The following GSE1 variants were observed in gnomAD, a reference collection of about 807,000 sequenced individuals.
The protein encoded by GSE1 is genetic suppressor element 1.
GSE1 carries 32 observed loss-of-function variants against 112.6 expected under a neutral mutation model. That is an observed-to-expected ratio of 0.28 (90% CI 0.21 to 0.38). The LOEUF (loss-of-function observed/expected upper bound fraction) is 0.38. Among genes scored for constraint, GSE1 ranks in the 10% least tolerant of loss-of-function variants. The pLI is 1.00. For synonymous variants in GSE1, 1,115 were observed against 735.6 expected, an observed-to-expected ratio of 1.52 and a Z score of -8.35; for missense variants, 2,348 against 1,699.2, an observed-to-expected ratio of 1.38 and a Z score of -6.71.
intron 2 of GSE1, among the ~76,000 whole-genome samples, chr16:85,464,933 G>A (rs2050082058): frequency 6.6e-6 from 1 of 152,214 alleles, no homozygotes. Context: ...CAGTCCTCAT[G>A]GCAGCATCAG....
intron 1 of GSE1, among the ~76,000 whole-genome samples, chr16:85,180,210 A>G (rs969737203): frequency 6.6e-6 from 1 of 152,200 alleles, no homozygotes; most frequent in African/African-American, 2.4e-5. Context: ...AGAGGTGCAG[A>G]ACCTCATTGG....
intron 1 of GSE1, among the ~76,000 whole-genome samples, chr16:85,348,978 G>T (rs923187470): frequency 1.3e-5 from 2 of 151,714 alleles, no homozygotes; most frequent in Admixed American, 6.6e-5. Context: ...CCCAACCCCA[G>T]CCGGGAGCGC....
chr16:85,613,326 T>C lies in GSE1; in HGVS notation c.-66T>C, dbSNP rs1296931412. 1.2e-5 allele frequency: 18 copies of C among 1,553,054 alleles called. No homozygotes were observed. The South Asian group carries it at 1.2e-4, about 10-fold the overall frequency. On this transcript the variant is annotated 5_prime_UTR_variant, in exon 1 of 16. Transcript: ENST00000253458. ...GCAGCCCCGGGTGAGATAAGCAGTT[T>C]AGACAAACACTGGGCGACGGTGGCT...
intron 1 of GSE1, among the ~76,000 whole-genome samples, chr16:85,298,268 C>G (rs1021035452): frequency 2.6e-5 from 4 of 152,122 alleles, no homozygotes; most frequent in Admixed American, 1.3e-4. Context: ...TCAGCTGCCT[C>G]CCTGCCCAGA....
chr16:85,199,323 C>G (rs1008573644), intron 1 of GSE1, among the ~76,000 whole-genome samples: 1 of 152,044 alleles, frequency 6.6e-6, no homozygotes, highest in Non-Finnish European at 1.5e-5. Flanking sequence ...TGGACTCAAG[C>G]AATCCTCCCG....
Position 85,616,804 on chromosome 16 carries a change from C to T in GSE1, c.7+3406C>T, listed in dbSNP as rs559238878. ...CTTTCTCCCCCGGCTGAGGCCACAGCCTGGGAGGTGACGTTTCGGAGTGTC... is the reference window on the plus strand; with the variant it reads ...CTTTCTCCCCCGGCTGAGGCCACAGTCTGGGAGGTGACGTTTCGGAGTGTC... On this transcript the variant is annotated intron_variant, in intron 1 of 15. Coordinates refer to ENST00000253458, the MANE Select transcript of GSE1 (RefSeq NM_014615.5). 3.9e-5 allele frequency among the ~76,000 whole-genome samples: 6 copies of T among 152,206 alleles called. No homozygotes were observed. In the East Asian group the frequency reaches 1.2e-3, roughly 29 times the overall value.
rs763440400 is a variant in GSE1 at position 85,489,516 on chromosome 16, G to A, written c.2464+131873G>A. On this transcript the variant is annotated intron_variant, in intron 2 of 2. Coordinates refer to the GSE1 transcript ENST00000637419. ...AAGGAGCAGGGACTGTGCAGCCATC[G>A]GACCCAGACACACAGCCAGTGCCCA... Among the ~76,000 whole-genome samples, 9 of 152,168 alleles carry A rather than the reference G, an allele frequency of 5.9e-5. No individual in the cohort carries two copies. The South Asian group carries it at 6.2e-4, about 11-fold the overall frequency.
intron 2 of GSE1, chr16:85,463,145 C>G: frequency 1.0e-6 from 1 of 981,080 alleles, no homozygotes; most frequent in Non-Finnish European, 1.2e-6. Context: ...CAGCTCACCG[C>G]CCCGTGGACG....
chr16:85,492,620 A>G (rs149713698), intron 2 of GSE1, among the ~76,000 whole-genome samples: 42 of 152,314 alleles, frequency 2.8e-4, no homozygotes, highest in African/African-American at 9.6e-4. Context: ...GAGGCTCCAC[A>G]GCTCCGAAGT....
intron 1 of GSE1, among the ~76,000 whole-genome samples, chr16:85,310,356 C>T (rs754584156): frequency 2.6e-5 from 4 of 152,184 alleles, no homozygotes; most frequent in Non-Finnish European, 4.4e-5. Flanking sequence ...AACCAGCTGG[C>T]GATACTGGAG....
chr16:85,656,412 T>C lies in GSE1; in HGVS notation c.1059T>C (p.Ala353=), dbSNP rs542674469. 3.0e-5 allele frequency: 47 copies of C among 1,571,942 alleles called. 2 individuals carry two copies. The South Asian group carries it at 3.9e-4, about 13-fold the overall frequency. Residue 353 remains alanine, a synonymous_variant, in exon 7 of 16, where the codon GCT becomes GCC. Transcript: ENST00000253458. ...RERERERERE[A]DREREKERER... is the part of the protein sequence containing the mutation. Reference sequence around the variant, plus strand: ...GCGAGCGCGAGCGTGAGCGTGAGGCTGACCGCGAGCGGGAGAAGGAACGTG... The same window carrying C: ...GCGAGCGCGAGCGTGAGCGTGAGGCCGACCGCGAGCGGGAGAAGGAACGTG...
chr16:85,566,461 C>A (rs1454868461), intron 1 of GSE1, among the ~76,000 whole-genome samples: 1 of 152,250 alleles, frequency 6.6e-6, no homozygotes, highest in Admixed American at 6.5e-5. Context: ...GAAAGCCGAA[C>A]TGGGTGAACC....
At chr16:85,655,649 C>A in intron 5 of GSE1, 77 bp from the exon 6 acceptor site, 4 of 939,352 alleles carry the variant, frequency 4.3e-6, no homozygotes, top group Non-Finnish European at 6.6e-6. Context: ...GTGTACCTGG[C>A]TGAGACACAC....
At chr16:85,202,727 G>A (rs575751900) in intron 1 of GSE1, among the ~76,000 whole-genome samples, 4 of 152,352 alleles carry the variant, frequency 2.6e-5, no homozygotes, top group South Asian at 2.1e-4. Flanking sequence ...GAGCCAGGCC[G>A]ATCGCACCCA....
At chr16:85,236,299 A>T (rs973227566) in intron 1 of GSE1, among the ~76,000 whole-genome samples, 2 of 152,184 alleles carry the variant, frequency 1.3e-5, no homozygotes, top group African/African-American at 4.8e-5. Flanking sequence ...GGCACAACAG[A>T]TGCTGACTTC....
intron 1 of GSE1, among the ~76,000 whole-genome samples, chr16:85,297,643 GCA>G (rs1386241177): frequency 6.6e-6 from 1 of 152,124 alleles, no homozygotes; most frequent in Non-Finnish European, 1.5e-5. Flanking sequence ...GGGTTCACAG[GCA>G]CATGCCACCC....
intron 2 of GSE1, among the ~76,000 whole-genome samples, chr16:85,429,101 C>T (rs376144521): frequency 1.7e-4 from 26 of 152,342 alleles, no homozygotes; most frequent in Non-Finnish European, 2.9e-4. Context: ...GGTAAACAGC[C>T]GCAGGAGCAG....
chr16:85,345,077 T>G (rs890728081), intron 1 of GSE1, among the ~76,000 whole-genome samples: 4 of 103,850 alleles, frequency 3.9e-5, no homozygotes, highest in African/African-American at 1.1e-4. Flanking sequence ...GTGCCCCACC[T>G]CCCACCCCCT....
chr16:85,656,847 C>T (rs935244958), intron 7 of GSE1, among the ~76,000 whole-genome samples, 182 bp downstream of exon 7: 2 of 152,260 alleles, frequency 1.3e-5, no homozygotes, highest in African/African-American at 2.4e-5. Context: ...GATGTAGACA[C>T]AGTGGATATA....
Sources: gnomAD v4.1 joint callset for allele counts (sites outside exome capture counted in the v4.1 genomes callset) on GRCh38, gnomAD v4.1.1 for gene constraint, MANE v1.5 for transcripts, NCBI Gene and HGNC (gene_info 2026-07-23, HGNC 2026-07-21) for gene names.